SFSWAP: variants seen among roughly 807,000 people sequenced by gnomAD.
The protein encoded by SFSWAP is splicing factor, suppressor of white-apricot homolog.
Under a neutral mutation model 100.7 loss-of-function variants are expected in SFSWAP, and 17 were observed. The observed-to-expected ratio is 0.17, with a 90% CI of 0.12 to 0.25. The LOEUF is 0.25. SFSWAP is among the 10% of genes least tolerant of loss of function. The probability of loss-of-function intolerance (pLI) is 1.00; values close to 1 mark genes in which losing one functional copy is unlikely to be tolerated. For missense variants in SFSWAP, 1,005 were observed against 1,262.6 expected (o/e 0.80, Z 3.09); for synonymous variants, 504 against 510.1 (o/e 0.99, Z 0.16).
intron 14 of SFSWAP, among the ~76,000 whole-genome samples, chr12:131,782,923 A>G (rs1593185201): frequency 6.6e-6 from 1 of 152,306 alleles, no homozygotes; most frequent in Admixed American, 6.5e-5. Context: ...GCTCACGCCT[A>G]TAATCCCGGC....
chr12:131,770,996 T>C (rs1035189356), intron 13 of SFSWAP, among the ~76,000 whole-genome samples: 5 of 152,216 alleles, frequency 3.3e-5, no homozygotes, highest in Non-Finnish European at 5.9e-5. Context: ...GGTCCAGCCA[T>C]GCAGCAGCCG....
At position 131,725,850 on chromosome 12, in the gene SFSWAP, A is replaced by G. The variant is rs183662633; in HGVS notation, c.832+220A>G. ...TAAATCTTTGGTTAATATTTTATAG[A>G]TAAATGAAATATAACTAAATATTGA... On this transcript the variant is annotated intron_variant, in intron 5 of 17. Coordinates refer to ENST00000261674, the MANE Select transcript of SFSWAP (RefSeq NM_004592.4). The surrounding 1 kb of genome is among the most constrained non-coding windows in gnomAD (Gnocchi z 4.3). 9.3e-4 allele frequency among the ~76,000 whole-genome samples: 141 copies of G among 152,344 alleles called. No individual in the cohort carries two copies. Among genetic ancestry groups the G allele is most frequent in the Admixed American group, 1.5e-3 (23 of 15,300 alleles).
chr12:131,783,719 C>CA (rs1884663123), intron 14 of SFSWAP: 1 of 149,228 alleles, frequency 6.7e-6, no homozygotes, highest in Non-Finnish European at 1.5e-5. Context: ...GCGGTGCTTG[C>CA]AGTGAGCCAA....
chr12:131,740,551 CG>C (rs527680166), intron 7 of SFSWAP, among the ~76,000 whole-genome samples: 37 of 152,146 alleles, frequency 2.4e-4, no homozygotes, highest in South Asian at 8.3e-4. Context: ...TCCTGTCCCA[CG>C]CATTGGTGCC....
In SFSWAP at chr12:131,728,423, C is replaced by G. The variant is rs564129125; in HGVS notation, c.1076C>G (p.Ala359Gly). The change falls in exon 7 of 18, where the codon GCA becomes GGA. Residue 359 changes from alanine (A) to glycine (G), a missense_variant. Ala to Gly is a moderately conservative substitution (Grantham distance 60). Around this residue, in one of 7 missense-constraint regions of SFSWAP, gnomAD observed 311 missense variants for 317.8 expected, o/e 0.98. Transcript: ENST00000261674. Reference sequence around the variant, plus strand: ...CAGCCCTCCCAGGTGGAGTACACGGCAGACTGTGAGTACTCACTGTGTATG... The same window carrying G: ...CAGCCCTCCCAGGTGGAGTACACGGGAGACTGTGAGTACTCACTGTGTATG... ...PVQPSQVEYT[A>G]DSTVAAMYYS... The G allele has an allele frequency of 2.5e-6, 4 of 1,614,142 alleles. No individual in the cohort carries two copies. The African/African-American group carries it at 4.0e-5, about 16-fold the overall frequency.
intron 4 of SFSWAP, among the ~76,000 whole-genome samples, chr12:131,721,986 G>C (rs1480302131): frequency 6.6e-6 from 1 of 152,102 alleles, no homozygotes; most frequent in Non-Finnish European, 1.5e-5. Flanking sequence ...TATACACCGT[G>C]GTGTCCATGT....
intron 7 of SFSWAP, among the ~76,000 whole-genome samples, chr12:131,748,467 A>G (rs1441989279): frequency 6.6e-6 from 1 of 152,080 alleles, no homozygotes; most frequent in Non-Finnish European, 1.5e-5. Flanking sequence ...GCCTATTTTC[A>G]TTCTTAATAT....
intron 13 of SFSWAP, among the ~76,000 whole-genome samples, chr12:131,770,273 C>G (rs2136244219): frequency 6.6e-6 from 1 of 152,292 alleles, no homozygotes; most frequent in Admixed American, 6.5e-5. Flanking sequence ...GAGACAAGAC[C>G]ACATTCGGCC....
At chr12:131,765,853 T>C (rs558693873) in intron 12 of SFSWAP, among the ~76,000 whole-genome samples, 1 of 152,246 alleles carries the variant, frequency 6.6e-6, no homozygotes, top group South Asian at 2.1e-4. Context: ...ATTTTGGATA[T>C]ATGCTGAGAG....
chr12:131,714,312 A>G lies in SFSWAP; in HGVS notation c.388+72A>G. On this transcript the variant is annotated intron_variant, in intron 2 of 17. Transcript: ENST00000261674. The surrounding 1 kb of genome is among the most constrained non-coding windows in gnomAD (Gnocchi z 6.0). ...TTTAAGTATTTAAAAATTTACTCCC[A>G]TTCATTTTTTTATACTCACTCTTTC... 7.5e-7 allele frequency: 1 copy of G among 1,325,752 alleles called. No individual in the cohort carries two copies. The highest frequency in any genetic ancestry group is 2.5e-5 in the East Asian group (1 of 39,618). 82.1% of individuals were successfully genotyped at this position (1,325,752 alleles called of 1,614,324 possible). A position where few individuals can be genotyped will look rare whatever the true frequency, so the allele number is the denominator to read the frequency against.
intron 14 of SFSWAP, chr12:131,785,083 T>A: frequency 6.5e-7 from 1 of 1,534,826 alleles, no homozygotes; most frequent in Non-Finnish European, 8.7e-7. Context: ...AGTCACAGCC[T>A]CCCCAGGGAC....
At chr12:131,720,953 C>T (rs1322208699) in intron 4 of SFSWAP, among the ~76,000 whole-genome samples, 1 of 152,166 alleles carries the variant, frequency 6.6e-6, no homozygotes, top group Admixed American at 6.5e-5. Flanking sequence ...AATTGGCTCA[C>T]GATTCTGCAG....
At chr12:131,792,084 CTG>C (rs1208166176) in intron 15 of SFSWAP, among the ~76,000 whole-genome samples, 6 of 150,374 alleles carry the variant, frequency 4.0e-5, no homozygotes, top group Non-Finnish European at 7.4e-5. Flanking sequence ...CGGATCATTA[CTG>C]TGTGTGCGCC....
intron 7 of SFSWAP, among the ~76,000 whole-genome samples, chr12:131,745,893 G>A (rs540559865): frequency 3.9e-5 from 6 of 152,314 alleles, no homozygotes; most frequent in Admixed American, 6.5e-5. Context: ...TCTTGGCAGC[G>A]GGTCAGGCTG....
chr12:131,799,084 C>A lies in SFSWAP; in HGVS notation c.2765C>A (p.Ser922Tyr). Residue 922 changes from serine (S) to tyrosine (Y), a missense_variant, in exon 17 of 18, where the codon TCT (serine) becomes TAT (tyrosine). By Grantham distance (144) the Ser-to-Tyr change is moderately radical (BLOSUM62 -2). Around this residue, in one of 7 missense-constraint regions of SFSWAP, gnomAD observed 295 missense variants for 347.9 expected, o/e 0.85. Transcript: ENST00000261674. ...GCCCAGATCTCTTCAGCAATCGTTT[C>A]TTCCGTGCAGAGCAAAATCACTCAG... Reference protein sequence around the residue: ...KEAQISSAIVSSVQSKITQDL... With the variant: ...KEAQISSAIVYSVQSKITQDL... 6.2e-7 allele frequency: 1 copy of A among 1,614,146 alleles called. No homozygotes were observed. Among genetic ancestry groups the A allele is most frequent in the Non-Finnish European group, 8.5e-7 (1 of 1,179,960 alleles).
intron 7 of SFSWAP, among the ~76,000 whole-genome samples, chr12:131,745,778 AAAAG>A (rs1214813684): frequency 1.3e-5 from 2 of 152,026 alleles, no homozygotes; most frequent in Non-Finnish European, 2.9e-5. Context: ...GGCAAAAAAA[AAAAG>A]GTAGTATTGT....
In SFSWAP at chr12:131,753,382, G is replaced by T; in HGVS notation, c.1322+19G>T. ...CCACAAGGTAGGTGCAGCGTCCACC[G>T]CTGCCTGCTGTGTGAGTCACTCAGC... On this transcript the variant is annotated intron_variant, in intron 8 of 17. Coordinates refer to ENST00000261674, the MANE Select transcript of SFSWAP (RefSeq NM_004592.4). 1.2e-6 allele frequency: 2 copies of T among 1,600,364 alleles called. No individual in the cohort carries two copies. The highest frequency in any genetic ancestry group is 1.7e-6 in the Non-Finnish European group (2 of 1,170,754).
chr12:131,744,993 C>T (rs1416186133), intron 7 of SFSWAP, among the ~76,000 whole-genome samples: 1 of 152,192 alleles, frequency 6.6e-6, no homozygotes, highest in Non-Finnish European at 1.5e-5. Flanking sequence ...AATTCTGTCA[C>T]CTCCTACCAG....
At chr12:131,785,269 C>A in intron 14 of SFSWAP, 4 of 1,434,476 alleles carry the variant, frequency 2.8e-6, no homozygotes, top group Non-Finnish European at 3.7e-6. Flanking sequence ...TTCTGTAAAT[C>A]TTAGGAAAGG....
Sources: allele counts gnomAD v4.1 joint callset (sites outside exome capture counted in the v4.1 genomes callset), GRCh38; gene constraint gnomAD v4.1.1; regional missense constraint gnomAD v4.1.1; non-coding constraint Gnocchi (gnomAD v3.1); transcripts MANE v1.5; gene names NCBI Gene and HGNC (gene_info 2026-07-23, HGNC 2026-07-21).